ASIC2: variants seen among roughly 807,000 people sequenced by gnomAD.
The protein encoded by ASIC2 is acid sensing ion channel subunit 2.
Under a neutral mutation model 57.3 loss-of-function variants are expected in ASIC2, and 25 were observed. That is an observed-to-expected ratio of 0.44 (90% CI 0.32 to 0.61). ASIC2 has a LOEUF of 0.61. Ranked by LOEUF, ASIC2 falls within the 20% of genes least tolerant of loss-of-function variation. The probability of loss-of-function intolerance (pLI) is 0.06; values close to 1 mark genes in which losing one functional copy is unlikely to be tolerated. For missense variants in ASIC2, 641 were observed against 738.1 expected (o/e 0.87, Z 1.52); for synonymous variants, 319 against 307.5 (o/e 1.04, Z -0.39).
At position 33,021,315 on chromosome 17, in the gene ASIC2, A is replaced by G. The variant is rs1257441091; in HGVS notation, c.1350-5T>C. 3 of 1,599,508 alleles carry G rather than the reference A, an allele frequency of 1.9e-6. No homozygotes were observed. The highest frequency in any genetic ancestry group is 1.3e-5 in the African/African-American group (1 of 74,680). ...TCCAGAACAAGGATGTTCTCTCTGC[A>G]GAGAGAATAGTCAGTACCATACATG... On this transcript the variant is annotated splice_polypyrimidine_tract_variant and splice_region_variant and intron_variant, in intron 6 of 9. Coordinates refer to ENST00000225823, the MANE Select transcript of ASIC2 (RefSeq NM_183377.2).
intron 1 of ASIC2, among the ~76,000 whole-genome samples, chr17:34,040,414 G>GA (rs1161069949): frequency 6.9e-6 from 1 of 143,996 alleles, no homozygotes; most frequent in Non-Finnish European, 1.5e-5. Flanking sequence ...GGTCCTGGGG[G>GA]GTGGGGGAAG....
chr17:33,827,681 C>G (rs1912975418), intron 1 of ASIC2: 1 of 151,976 alleles, frequency 6.6e-6, no homozygotes, highest in Non-Finnish European at 1.5e-5. Flanking sequence ...GACCACCAAA[C>G]AACAACTTAC....
intron 1 of ASIC2, among the ~76,000 whole-genome samples, chr17:33,628,185 C>T (rs1906046857): frequency 6.6e-6 from 1 of 152,150 alleles, no homozygotes; most frequent in Non-Finnish European, 1.5e-5. Flanking sequence ...TGCCCAGCCC[C>T]TTCTATGGGG....
At chr17:33,965,284 T>G (rs770701706) in intron 1 of ASIC2, among the ~76,000 whole-genome samples, 6 of 152,232 alleles carry the variant, frequency 3.9e-5, no homozygotes, top group Admixed American at 3.3e-4. Context: ...GGATTTATAT[T>G]GAATACTGCT....
chr17:33,226,860 T>C (rs186034838), intron 1 of ASIC2, among the ~76,000 whole-genome samples: 31 of 152,216 alleles, frequency 2.0e-4, no homozygotes, highest in Admixed American at 1.8e-3. Flanking sequence ...TAGTAGTCCT[T>C]AAGAAAAGTA....
chr17:33,486,032 C>T (rs1204981825), intron 1 of ASIC2, among the ~76,000 whole-genome samples: 2 of 152,186 alleles, frequency 1.3e-5, no homozygotes, highest in Non-Finnish European at 2.9e-5. Flanking sequence ...CACTGCTTCA[C>T]CTGCCAACCC....
At chr17:33,043,111 G>A (rs959617703) in intron 3 of ASIC2, among the ~76,000 whole-genome samples, 2 of 152,132 alleles carry the variant, frequency 1.3e-5, no homozygotes, top group African/African-American at 4.8e-5. Flanking sequence ...ATTTTTAGTA[G>A]AGACAGGGTT....
At chr17:33,447,927 AAAAAAG>A (rs1431710378) in intron 1 of ASIC2, among the ~76,000 whole-genome samples, 29 of 150,922 alleles carry the variant, frequency 1.9e-4, no homozygotes, top group African/African-American at 5.3e-4. Context: ...AAAAAAAAAA[AAAAAAG>A]AAAAGACAAA....
At chr17:33,973,960 C>T (rs1905294627) in intron 1 of ASIC2, among the ~76,000 whole-genome samples, 1 of 152,136 alleles carries the variant, frequency 6.6e-6, no homozygotes. Context: ...CATCCTCCCA[C>T]CTGGTCCAGG....
intron 1 of ASIC2, among the ~76,000 whole-genome samples, chr17:34,013,393 G>A (rs1327268442): frequency 1.3e-5 from 2 of 152,178 alleles, no homozygotes; most frequent in Admixed American, 6.5e-5. Context: ...TCTTCCTGGG[G>A]CAGCTCCTAC....
chr17:33,831,105 TCAAAAA>T (rs1913094699), intron 1 of ASIC2, among the ~76,000 whole-genome samples: 1 of 31,288 alleles, frequency 3.2e-5, no homozygotes, highest in African/African-American at 1.4e-4. Context: ...TAAGGCTCTG[TCAAAAA>T]AAAAAAAAAA....
At chr17:33,879,753 A>T (rs1030692211) in intron 1 of ASIC2, among the ~76,000 whole-genome samples, 3 of 152,214 alleles carry the variant, frequency 2.0e-5, no homozygotes, top group Non-Finnish European at 4.4e-5. Context: ...CACCAAGCGG[A>T]CCTTGTAGAC....
rs1217794040 is a variant in ASIC2, at chr17:33,028,253, A to G, written c.1127T>C (p.Val376Ala). ...YIVENCNCRM[V>A]HMPGDAPFCT... is the part of the protein sequence containing the mutation. ...GCCCTGGCACTGACCTGGCATGTGA[A>G]CCATGCGGCAGTTGCAGTTTTCCAC... The change falls in exon 4 of 10, where the codon GTT becomes GCT. Residue 376 changes from valine to alanine, a missense_variant. This residue lies in a region of ASIC2 where 252 missense variants were observed against 319.8 expected (regional missense o/e 0.79). Transcript: ENST00000225823. 3.1e-6 allele frequency: 5 copies of G among 1,613,948 alleles called. No individual in the cohort carries two copies. In the East Asian group the frequency reaches 6.7e-5, roughly 22 times the overall value.
At chr17:33,588,428 G>A (rs563623305) in intron 1 of ASIC2, among the ~76,000 whole-genome samples, 18 of 152,160 alleles carry the variant, frequency 1.2e-4, no homozygotes, top group Non-Finnish European at 2.6e-4. Flanking sequence ...TTCAGCTGGT[G>A]AAGAGGGATT....
intron 1 of ASIC2, among the ~76,000 whole-genome samples, chr17:33,497,724 C>T (rs998345824): frequency 7.2e-5 from 11 of 152,186 alleles, no homozygotes; most frequent in African/African-American, 2.4e-4. Flanking sequence ...TTACAATCGC[C>T]CTGAGGGAAG....
intron 1 of ASIC2, among the ~76,000 whole-genome samples, chr17:33,212,858 T>C (rs453720): frequency 0.71 from 107,230 of 152,084 alleles, 38,031 homozygotes; most frequent in Non-Finnish European, 0.75. Context: ...GAAAAGGAGG[T>C]AACTGAGTGA....
At chr17:33,083,603 T>C (rs2092122303) in intron 3 of ASIC2, among the ~76,000 whole-genome samples, 1 of 151,724 alleles carries the variant, frequency 6.6e-6, no homozygotes, top group Non-Finnish European at 1.5e-5. Flanking sequence ...TATCTGGAGG[T>C]GTGAATAGGC....
intron 1 of ASIC2, among the ~76,000 whole-genome samples, chr17:33,330,113 T>A (rs1907250646): frequency 6.6e-6 from 1 of 152,166 alleles, no homozygotes; most frequent in Non-Finnish European, 1.5e-5. Context: ...TGAAGGGTAG[T>A]GATGGTGGGA....
intron 3 of ASIC2, among the ~76,000 whole-genome samples, chr17:33,050,075 C>A (rs16583): frequency 0.18 from 27,967 of 152,048 alleles, 2,661 homozygotes; most frequent in Non-Finnish European, 0.21. Flanking sequence ...GCCTGCTCAG[C>A]CTGAGGAAGA....
Sources: gnomAD v4.1 joint callset for allele counts (sites outside exome capture counted in the v4.1 genomes callset) on GRCh38, gnomAD v4.1.1 for gene constraint, gnomAD v4.1.1 regional missense constraint, MANE v1.5 for transcripts, NCBI Gene and HGNC (gene_info 2026-07-23, HGNC 2026-07-21) for gene names.